Variants in EGLN1 observed in about 807,000 individuals in gnomAD.
EGLN1 encodes egl-9 family hypoxia inducible factor 1, also known as egl nine homolog 1.
EGLN1 carries 17 observed loss-of-function variants against 38.3 expected under a neutral mutation model. That is an observed-to-expected ratio of 0.44 (90% CI 0.30 to 0.67). The LOEUF (loss-of-function observed/expected upper bound fraction) is 0.67, where lower values mean the gene tolerates loss of function less well. Among genes scored for constraint, EGLN1 ranks in the 30% least tolerant of loss-of-function variants. The pLI, the probability that EGLN1 is intolerant of heterozygous loss-of-function variation, is 0.08. For missense variants in EGLN1, 477 were observed against 603.3 expected (o/e 0.79, Z 2.19); for synonymous variants, 283 against 257.5 (o/e 1.10, Z -0.95).
At chr1:231,415,386 A>G (rs942490006) in intron 1 of EGLN1, among the ~76,000 whole-genome samples, 28 of 152,140 alleles carry the variant, frequency 1.8e-4, no homozygotes, top group Admixed American at 6.5e-5. Context: ...CACCAGCTCT[A>G]TGACCTTGAA....
At chr1:231,389,394 C>G (rs1033976850) in intron 1 of EGLN1, among the ~76,000 whole-genome samples, 1 of 151,748 alleles carries the variant, frequency 6.6e-6, no homozygotes, top group Admixed American at 6.6e-5. Context: ...AGAGGGCGAA[C>G]GTTGACAAAA....
At chr1:231,391,092 T>TTGTGTGTGTGTGTGTG (rs763284659) in intron 1 of EGLN1, among the ~76,000 whole-genome samples, 1 of 67,368 alleles carries the variant, frequency 1.5e-5, no homozygotes, top group African/African-American at 4.8e-5. Context: ...TGTTTTTTTT[T>TTGTGTGTGTGTGTGTG]TGTGTGTGTG....
intron 1 of EGLN1, among the ~76,000 whole-genome samples, chr1:231,400,362 G>C (rs1688635664): frequency 6.6e-6 from 1 of 152,022 alleles, no homozygotes; most frequent in Non-Finnish European, 1.5e-5. Flanking sequence ...CTCAGATTCA[G>C]AATCTCTGAT....
At chr1:231,407,506 A>C (rs1688828741) in intron 1 of EGLN1, among the ~76,000 whole-genome samples, 1 of 152,198 alleles carries the variant, frequency 6.6e-6, no homozygotes, top group Non-Finnish European at 1.5e-5. Context: ...TGAACTTTGC[A>C]TCTGCTTTCT....
At chr1:231,376,931 G>A (rs895696647) in intron 1 of EGLN1, among the ~76,000 whole-genome samples, 6 of 152,154 alleles carry the variant, frequency 3.9e-5, no homozygotes, top group Non-Finnish European at 7.4e-5. Flanking sequence ...CAGCGAGCAC[G>A]GGCCAATGTG....
At chr1:231,391,131 T>TGA (rs1688370614) in intron 1 of EGLN1, among the ~76,000 whole-genome samples, 3 of 149,488 alleles carry the variant, frequency 2.0e-5, no homozygotes, top group Non-Finnish European at 3.0e-5. Flanking sequence ...TGTGTGTGTG[T>TGA]GTGAGACAGG....
At chr1:231,372,032 T>G (rs1447516674) in intron 2 of EGLN1, among the ~76,000 whole-genome samples, 1 of 152,138 alleles carries the variant, frequency 6.6e-6, no homozygotes, top group African/African-American at 2.4e-5. Flanking sequence ...ACTGAGAACA[T>G]GTCTTCTTTC....
intron 1 of EGLN1, among the ~76,000 whole-genome samples, chr1:231,416,650 G>A (rs1689090639): frequency 6.6e-6 from 1 of 152,098 alleles, no homozygotes; most frequent in Non-Finnish European, 1.5e-5. Flanking sequence ...ATAGGCGTGA[G>A]CCACTAAAGC....
intron 1 of EGLN1, among the ~76,000 whole-genome samples, chr1:231,412,868 C>G (rs1460969537): frequency 1.3e-5 from 2 of 152,134 alleles, no homozygotes; most frequent in African/African-American, 4.8e-5. Context: ...AATTTCCTTC[C>G]AATCGCTCAA....
chr1:231,405,525 A>G (rs1688767114), intron 1 of EGLN1, among the ~76,000 whole-genome samples: 1 of 152,086 alleles, frequency 6.6e-6, no homozygotes, highest in Non-Finnish European at 1.5e-5. Context: ...CATCTACTCA[A>G]CAACTCTTCT....
intron 1 of EGLN1, among the ~76,000 whole-genome samples, chr1:231,381,193 C>T (rs1688071225): frequency 6.6e-6 from 1 of 152,094 alleles, no homozygotes; most frequent in South Asian, 2.1e-4. Flanking sequence ...AGGTGTGAGC[C>T]ACCACACCTG....
At chr1:231,370,891 G>A (rs1687804396) in intron 2 of EGLN1, among the ~76,000 whole-genome samples, 193 bp from the exon 3 acceptor site, 1 of 152,038 alleles carries the variant, frequency 6.6e-6, no homozygotes, top group Admixed American at 6.6e-5. Context: ...CTTATTTTAG[G>A]GATATTTATT....
intron 1 of EGLN1, among the ~76,000 whole-genome samples, chr1:231,395,506 G>A (rs777787003): frequency 6.6e-6 from 1 of 152,214 alleles, no homozygotes; most frequent in African/African-American, 2.4e-5. Flanking sequence ...ATTGAACACT[G>A]ACAGCCTCAT....
chr1:231,398,737 T>C (rs1340442667), intron 1 of EGLN1, among the ~76,000 whole-genome samples: 1 of 114,718 alleles, frequency 8.7e-6, no homozygotes, highest in Admixed American at 8.7e-5. Flanking sequence ...GGAGATGACA[T>C]TCACGGCTAC....
chr1:231,371,790 C>T (rs113004379), intron 2 of EGLN1, among the ~76,000 whole-genome samples: 16 of 152,282 alleles, frequency 1.1e-4, no homozygotes, highest in Non-Finnish European at 1.5e-4. Context: ...TGAATAACTA[C>T]ACTCCTAAGC....
chr1:231,401,559 A>G (rs1688664876), intron 1 of EGLN1, among the ~76,000 whole-genome samples: 1 of 148,642 alleles, frequency 6.7e-6, no homozygotes, highest in East Asian at 2.0e-4. Flanking sequence ...AATTACAAAT[A>G]GTACAAACTT....
chr1:231,395,313 T>C (rs1485518474), intron 1 of EGLN1, among the ~76,000 whole-genome samples: 1 of 152,246 alleles, frequency 6.6e-6, no homozygotes, highest in East Asian at 1.9e-4. Context: ...TTCCAAACTT[T>C]CTTGGCTCAA....
chr1:231,413,543 C>G (rs1390961801), intron 1 of EGLN1, among the ~76,000 whole-genome samples: 1 of 152,190 alleles, frequency 6.6e-6, no homozygotes, highest in African/African-American at 2.4e-5. Flanking sequence ...CTGTCCTTAT[C>G]TTATTCTCCA....
chr1:231,398,585 G>A (rs1238291025), intron 1 of EGLN1, among the ~76,000 whole-genome samples: 7 of 152,194 alleles, frequency 4.6e-5, no homozygotes, highest in Admixed American at 1.3e-4. Flanking sequence ...AGGACGGCAA[G>A]GCTCACAAAG....
Sources: allele counts gnomAD v4.1 joint callset (sites outside exome capture counted in the v4.1 genomes callset), GRCh38; gene constraint gnomAD v4.1.1; transcripts MANE v1.5; gene names NCBI Gene and HGNC (gene_info 2026-07-23, HGNC 2026-07-21).